Variants in RB1CC1 observed in about 807,000 individuals in gnomAD.
RB1CC1 encodes RB1 inducible coiled-coil 1, also known as RB1-inducible coiled-coil protein 1.
In RB1CC1, 46 loss-of-function variants were observed where a neutral mutation model predicts 177.5. That is an observed-to-expected ratio of 0.26 (90% CI 0.20 to 0.33). RB1CC1 has a LOEUF of 0.33. Among genes scored for constraint, RB1CC1 ranks in the 10% least tolerant of loss-of-function variants. The pLI, the probability that RB1CC1 is intolerant of heterozygous loss-of-function variation, is 1.00. For missense variants in RB1CC1, 1,703 were observed against 1,816.3 expected (o/e 0.94, Z 1.13); for synonymous variants, 666 against 613.6 (o/e 1.09, Z -1.26).
chr8:52,676,591 AAAAG>A lies in RB1CC1; in HGVS notation c.370-24_370-21del. 2.5e-6 allele frequency: 4 copies of A among 1,573,634 alleles called. No individual in the cohort carries two copies. The highest frequency in any genetic ancestry group is 2.6e-6 in the Non-Finnish European group (3 of 1,152,114). ...CATTTCCTATATTGAAAAAGAATAC[AAAAG>A]AAAGTAAAAGAAGGCAATGGTTTGT... On this transcript the variant is annotated intron_variant, in intron 5 of 23. Coordinates refer to ENST00000025008, the MANE Select transcript of RB1CC1 (RefSeq NM_014781.5).
At chr8:52,700,832 A>T (rs1563467051) in intron 1 of RB1CC1, among the ~76,000 whole-genome samples, 2 of 152,222 alleles carry the variant, frequency 1.3e-5, no homozygotes, top group Non-Finnish European at 2.9e-5. Flanking sequence ...AATATAAAGG[A>T]TATTCAAGGT....
At chr8:52,654,272 C>T (rs1208656414) in intron 15 of RB1CC1, among the ~76,000 whole-genome samples, 1 of 152,188 alleles carries the variant, frequency 6.6e-6, no homozygotes, top group Non-Finnish European at 1.5e-5. Flanking sequence ...TTTGCCCTTG[C>T]TCCTCTTTTA....
At position 52,676,423 on chromosome 8, in the gene RB1CC1, C is replaced by G; in HGVS notation, c.518G>C (p.Ser173Thr). Residue 173 changes from serine (S) to threonine (T), a missense_variant, in exon 6 of 24, where the codon AGT (serine) becomes ACT (threonine). Around this residue, in one of 6 missense-constraint regions of RB1CC1, gnomAD observed 315 missense variants for 304.9 expected, o/e 1.03. Coordinates refer to ENST00000025008, the MANE Select transcript of RB1CC1 (RefSeq NM_014781.5). ...SYQKLLFKFESIYSNYLQSIE... is the reference protein window; with the variant it reads ...SYQKLLFKFETIYSNYLQSIE... ...GGACTGCAGATAATTTGAATAAATA[C>G]TTTCAAACTTGAAAAGTAGCTTTTG... The G allele has an allele frequency of 3.1e-6, 5 of 1,612,994 alleles. No homozygotes were observed. The highest frequency in any genetic ancestry group is 4.2e-6 in the Non-Finnish European group (5 of 1,179,442).
intron 22 of RB1CC1, among the ~76,000 whole-genome samples, chr8:52,625,744 G>A (rs1286770015): frequency 6.6e-6 from 1 of 152,084 alleles, no homozygotes; most frequent in Non-Finnish European, 1.5e-5. Flanking sequence ...AATACTAAAA[G>A]TGAAAAACAG....
At chr8:52,653,114 C>T (rs944522999) in intron 15 of RB1CC1, among the ~76,000 whole-genome samples, 2 of 152,074 alleles carry the variant, frequency 1.3e-5, no homozygotes, top group African/African-American at 2.4e-5. Flanking sequence ...TCCTGATCTA[C>T]AAGGAAGGCA....
Position 52,656,603 on chromosome 8 carries a change from T to G in RB1CC1, c.3226A>C (p.Ile1076Leu), listed in dbSNP as rs769451389. Reference protein sequence around the residue: ...LKEAETDEIKILLEESRAQQK... With the variant: ...LKEAETDEIKLLLEESRAQQK... ...TGGGCTCTGCTTTCTTCCAGCAAAA[T>G]TTTTATTTCATCAGTTTCTGCTTCC... is the stretch of plus-strand genomic sequence containing the variant. The change falls in exon 15 of 24, where the codon ATT (isoleucine) becomes CTT (leucine). Residue 1076 changes from isoleucine (I) to leucine (L), a missense_variant. By Grantham distance (5) the Ile-to-Leu change is conservative (BLOSUM62 2). Coordinates refer to ENST00000025008, the MANE Select transcript of RB1CC1 (RefSeq NM_014781.5). 3 of 1,613,226 alleles carry G rather than the reference T, an allele frequency of 1.9e-6. No homozygotes were observed. In the South Asian group the frequency reaches 3.3e-5, roughly 18 times the overall value.
intron 1 of RB1CC1, among the ~76,000 whole-genome samples, chr8:52,707,136 C>G (rs1856633359): frequency 6.6e-6 from 1 of 152,176 alleles, no homozygotes; most frequent in Non-Finnish European, 1.5e-5. Context: ...GGGTTGTGGT[C>G]AGGATCTAAC....
intron 5 of RB1CC1, among the ~76,000 whole-genome samples, chr8:52,679,494 G>A (rs1022098451): frequency 3.9e-5 from 6 of 152,124 alleles, no homozygotes; most frequent in African/African-American, 7.2e-5. Context: ...TCAAGGACTC[G>A]AAAGACCCCG....
chr8:52,707,614 A>G (rs968056493), intron 1 of RB1CC1, among the ~76,000 whole-genome samples: 18 of 151,966 alleles, frequency 1.2e-4, no homozygotes, highest in Admixed American at 9.2e-4. Context: ...TCCGGCTTCA[A>G]TCCTTCCTAA....
At chr8:52,627,755 G>C (rs1435492203) in intron 22 of RB1CC1, among the ~76,000 whole-genome samples, 1 of 151,994 alleles carries the variant, frequency 6.6e-6, no homozygotes, top group Non-Finnish European at 1.5e-5. Context: ...TGAGAACTTT[G>C]ACAATATAAT....
rs375078028 is a variant in RB1CC1 at position 52,661,043 on chromosome 8, C to A, written c.1546-36G>T. 286 of 1,611,046 alleles carry A rather than the reference C, an allele frequency of 1.8e-4. 2 individuals are homozygous for A. The highest frequency in any genetic ancestry group is 4.0e-4 in the African/African-American group (30 of 74,768). ...AAAGCTTATGTTAAACATAAACATA[C>A]ACCAATTCGTTAAAGTTCATATACA... On this transcript the variant is annotated intron_variant, in intron 10 of 23. Coordinates refer to ENST00000025008, the MANE Select transcript of RB1CC1 (RefSeq NM_014781.5).
rs757599373 is a variant in RB1CC1, at chr8:52,657,836, T to C, written c.1993A>G (p.Thr665Ala). The C allele has an allele frequency of 1.2e-6, 2 of 1,613,856 alleles. No homozygotes were observed. Among genetic ancestry groups the C allele is most frequent in the African/African-American group, 1.3e-5 (1 of 74,972 alleles). ...GGTGGAGGAGTTCTCGGTGAGGTAG[T>C]AGTTGTAATTCCTGCTGTACTTTCC... ...RMESTAGITT[T>A]TSPRTPPPLT... The change falls in exon 15 of 24, where the codon ACT (threonine) becomes GCT (alanine). Residue 665 changes from threonine to alanine, a missense_variant. By Grantham distance (58) the Thr-to-Ala change is moderately conservative. Transcript: ENST00000025008.
At chr8:52,658,280 G>C (rs1851262595) in intron 13 of RB1CC1, among the ~76,000 whole-genome samples, 156 bp from the exon 14 acceptor site, 1 of 152,066 alleles carries the variant, frequency 6.6e-6, no homozygotes, top group Admixed American at 6.6e-5. Context: ...GTCATAATCA[G>C]TAAAGTAAAA....
intron 21 of RB1CC1, among the ~76,000 whole-genome samples, chr8:52,630,049 T>C (rs1249070016): frequency 6.6e-6 from 1 of 152,196 alleles, no homozygotes; most frequent in Admixed American, 6.5e-5. Context: ...GACTTTTTCA[T>C]TGACAATTTG....
intron 15 of RB1CC1, among the ~76,000 whole-genome samples, chr8:52,648,716 AAG>A (rs754407694): frequency 1.4e-4 from 21 of 152,270 alleles, no homozygotes; most frequent in Middle Eastern, 3.4e-3. Flanking sequence ...TGATGGCAAA[AAG>A]AGAATGAATG....
intron 3 of RB1CC1, 53 bp downstream of exon 3, chr8:52,685,346 A>G: frequency 7.6e-7 from 1 of 1,309,410 alleles, no homozygotes; most frequent in South Asian, 1.2e-5. Flanking sequence ...TATTTCTTTA[A>G]CTTTCTGCAT....
At chr8:52,685,661 G>C (rs182407036) in intron 2 of RB1CC1, 141 bp from the exon 3 acceptor site, 20 of 402,878 alleles carry the variant, frequency 5.0e-5, no homozygotes, top group South Asian at 1.5e-4. Flanking sequence ...TGGCTAACTG[G>C]ATAGTTCAGT....
intron 18 of RB1CC1, among the ~76,000 whole-genome samples, chr8:52,641,759 T>C (rs1162336702): frequency 6.6e-6 from 1 of 152,240 alleles, no homozygotes; most frequent in South Asian, 2.1e-4. Context: ...CAACTAGAAA[T>C]GCAAACTCTA....
At chr8:52,632,190 T>C (rs896879337) in intron 20 of RB1CC1, among the ~76,000 whole-genome samples, 13 of 152,166 alleles carry the variant, frequency 8.5e-5, no homozygotes, top group Admixed American at 8.5e-4. Flanking sequence ...ACCTGAAGCA[T>C]GGAAACCAAG....
Sources: gnomAD v4.1 joint callset for allele counts (sites outside exome capture counted in the v4.1 genomes callset) on GRCh38, gnomAD v4.1.1 for gene constraint, gnomAD v4.1.1 regional missense constraint, MANE v1.5 for transcripts, NCBI Gene and HGNC (gene_info 2026-07-23, HGNC 2026-07-21) for gene names.